MYBPC2: variants seen among roughly 807,000 people sequenced by gnomAD.
MYBPC2 encodes the protein myosin-binding protein C, fast-type.
Under a neutral mutation model 137.0 loss-of-function variants are expected in MYBPC2, and 122 were observed. The ratio of observed to expected loss-of-function variants is 0.89; its 90% confidence interval spans 0.77 to 1.03. The LOEUF (loss-of-function observed/expected upper bound fraction) is 1.03. MYBPC2 is among the 50% of genes least tolerant of loss of function. The pLI is 0.00. For missense variants in MYBPC2, 1,500 were observed against 1,534.4 expected (o/e 0.98, Z 0.37); for synonymous variants, 626 against 612.3 (o/e 1.02, Z -0.33).
At chr19:50,451,224 G>T in intron 14 of MYBPC2, 56 bp from the exon 15 acceptor site, 1 of 1,590,920 alleles carries the variant, frequency 6.3e-7, no homozygotes, top group Non-Finnish European at 8.6e-7. Flanking sequence ...CTGTGAAGGT[G>T]GGGTGAGGGG....
intron 20 of MYBPC2, among the ~76,000 whole-genome samples, chr19:50,458,096 G>C (rs867281134): frequency 2.6e-5 from 4 of 151,694 alleles, no homozygotes; most frequent in Admixed American, 6.6e-5. Flanking sequence ...CGGATCACGA[G>C]GTCAGGAGTT....
chr19:50,462,143 G>C (rs2039978466), intron 26 of MYBPC2, 107 bp downstream of exon 26: 2 of 1,405,550 alleles, frequency 1.4e-6, no homozygotes, highest in Non-Finnish European at 1.9e-6. Context: ...CGAGTTCTCT[G>C]TCTCAAGGGA....
At chr19:50,448,982 G>A (rs943410446) in intron 13 of MYBPC2, among the ~76,000 whole-genome samples, 7 of 149,352 alleles carry the variant, frequency 4.7e-5, no homozygotes, top group South Asian at 2.1e-4. Flanking sequence ...CACCCACCTC[G>A]GCCTCCCAAA....
chr19:50,437,478 C>A lies in MYBPC2; in HGVS notation c.469C>A (p.Arg157Ser). The A allele has an allele frequency of 6.2e-7, 1 of 1,610,740 alleles. No individual in the cohort carries two copies. Among genetic ancestry groups the A allele is most frequent in the East Asian group, 2.2e-5 (1 of 44,748 alleles). The change falls in exon 6 of 28, where the codon CGT (arginine) becomes AGT (serine). Residue 157 changes from arginine (R) to serine (S), a missense_variant. Coordinates refer to ENST00000357701, the MANE Select transcript of MYBPC2 (RefSeq NM_004533.4). ...CGFNIDVEAP[R>S]QDASGQSLES... Reference sequence around the variant, plus strand: ...CTCTCATCACCTCTCCCCAGCACCCCGTCAGGATGCCTCTGGGCAGAGTCT... The same window carrying A: ...CTCTCATCACCTCTCCCCAGCACCCAGTCAGGATGCCTCTGGGCAGAGTCT...
chr19:50,455,849 T>G (rs1463620019), intron 20 of MYBPC2, among the ~76,000 whole-genome samples: 1 of 152,158 alleles, frequency 6.6e-6, no homozygotes, highest in Non-Finnish European at 1.5e-5. Context: ...ACATCCATCC[T>G]CCATACAGCA....
In MYBPC2 at chr19:50,436,735, G is replaced by T. The variant is rs777964974; in HGVS notation, c.463+1G>T. ...TGTGGCTTCAACATCGATGTGGAGGGTATGCTGGTGGGGGATGCGGGAGCA... is the reference window on the plus strand; with the variant it reads ...TGTGGCTTCAACATCGATGTGGAGGTTATGCTGGTGGGGGATGCGGGAGCA... On this transcript the variant is annotated splice_donor_variant, in intron 5 of 27. Coordinates refer to ENST00000357701, the MANE Select transcript of MYBPC2 (RefSeq NM_004533.4). LOFTEE classifies it high-confidence loss of function. 6.2e-6 allele frequency: 10 copies of T among 1,613,408 alleles called. No individual in the cohort carries two copies. The African/African-American group carries it at 1.2e-4, about 19-fold the overall frequency.
At chr19:50,438,827 C>T (rs1014448340) in intron 7 of MYBPC2, among the ~76,000 whole-genome samples, 3 of 152,112 alleles carry the variant, frequency 2.0e-5, no homozygotes, top group African/African-American at 7.2e-5. Flanking sequence ...GATCGCGCCA[C>T]TGCACTCCAG....
chr19:50,433,753 G>C (rs2039678640), intron 1 of MYBPC2, among the ~76,000 whole-genome samples: 1 of 151,852 alleles, frequency 6.6e-6, no homozygotes, highest in African/African-American at 2.4e-5. Flanking sequence ...GCATCCTCTG[G>C]GCAGGGTCTG....
chr19:50,453,162 C>T (rs2039876552), intron 16 of MYBPC2, among the ~76,000 whole-genome samples: 1 of 152,072 alleles, frequency 6.6e-6, no homozygotes, highest in African/African-American at 2.4e-5. Context: ...CTATGTTGCC[C>T]ATGCTGGTCT....
chr19:50,458,781 G>T, intron 21 of MYBPC2, 27 bp downstream of exon 21: 3 of 1,605,040 alleles, frequency 1.9e-6, no homozygotes, highest in Non-Finnish European at 2.5e-6. Flanking sequence ...CCTGCGCTCC[G>T]AAAGACCAAG....
chr19:50,448,030 C>T (rs983950925), intron 12 of MYBPC2, among the ~76,000 whole-genome samples, 195 bp from the exon 13 acceptor site: 3 of 152,128 alleles, frequency 2.0e-5, no homozygotes, highest in African/African-American at 7.2e-5. Flanking sequence ...CAGGCCTCCT[C>T]GCTCCCTCCT....
chr19:50,439,137 C>T (rs1293306923), intron 7 of MYBPC2, among the ~76,000 whole-genome samples: 1 of 141,150 alleles, frequency 7.1e-6, no homozygotes, highest in Non-Finnish European at 1.6e-5. Context: ...ACCCACCCAC[C>T]TGTCTTCCCC....
At chr19:50,449,268 T>A (rs1348872598) in intron 13 of MYBPC2, among the ~76,000 whole-genome samples, 1 of 152,172 alleles carries the variant, frequency 6.6e-6, no homozygotes, top group Non-Finnish European at 1.5e-5. Context: ...ATGGCCTCGT[T>A]CTTACCTCTG....
Position 50,461,005 on chromosome 19 carries a change from A to ATT in MYBPC2, c.2932-522_2932-521dup, listed in dbSNP as rs112521100. Among the ~76,000 whole-genome samples the ATT allele has an allele frequency of 5.9e-3, 753 of 127,916 alleles. 7 individuals carry two copies. The highest frequency in any genetic ancestry group is 0.02 in the African/African-American group (680 of 33,868). 83.9% of individuals were successfully genotyped at this position (127,916 alleles called of 152,430 possible). A position where few individuals can be genotyped will look rare whatever the true frequency, so the allele number is the denominator to read the frequency against. ...TGCACCTGGCCTTTATTTCTTTTAA[A>ATT]TTTTTTTTTTTTTTTTGAGACAGGG... On this transcript the variant is annotated intron_variant, in intron 24 of 27. Transcript: ENST00000357701.
chr19:50,464,426 G>A lies in MYBPC2; in HGVS notation c.3309G>A (p.Leu1103=). The change falls in exon 27 of 28, where the codon CTG becomes CTA. Residue 1103 remains leucine (L), a synonymous_variant. Transcript: ENST00000357701. ...KFLITNYQGV[L]TLNIRRPSPF... ...TGATAACCAATTACCAAGGAGTCCTGACGCTGAACATCCGTCGCCCCTCGC... is the reference window on the plus strand; with the variant it reads ...TGATAACCAATTACCAAGGAGTCCTAACGCTGAACATCCGTCGCCCCTCGC... 1 of 1,611,786 alleles carries A rather than the reference G, an allele frequency of 6.2e-7. No individual in the cohort carries two copies. The highest frequency in any genetic ancestry group is 1.1e-5 in the South Asian group (1 of 90,350).
At position 50,464,546 on chromosome 19, in the gene MYBPC2, C is replaced by T. The variant is rs751578644; in HGVS notation, c.3415+14C>T. On this transcript the variant is annotated intron_variant, in intron 27 of 27. Coordinates refer to ENST00000357701, the MANE Select transcript of MYBPC2 (RefSeq NM_004533.4). Reference sequence around the variant, plus strand: ...TGGAGGTCCGAGGTGAGGGCGTGGCCATCCCCAACACTGGCTGACCCTTGC... The same window carrying T: ...TGGAGGTCCGAGGTGAGGGCGTGGCTATCCCCAACACTGGCTGACCCTTGC... 1 of 1,591,866 alleles carries T rather than the reference C, an allele frequency of 6.3e-7. No homozygotes were observed. The highest frequency in any genetic ancestry group is 1.1e-5 in the South Asian group (1 of 88,104).
Position 50,466,139 on chromosome 19 carries a change from G to C in MYBPC2, c.3416-56G>C. 2.5e-6 allele frequency: 4 copies of C among 1,611,618 alleles called. No individual in the cohort carries two copies. The highest frequency in any genetic ancestry group is 3.4e-6 in the Non-Finnish European group (4 of 1,179,468). On this transcript the variant is annotated intron_variant, in intron 27 of 27. Coordinates refer to ENST00000357701, the MANE Select transcript of MYBPC2 (RefSeq NM_004533.4). This position sits in a 1 kb window ranked among gnomAD's most constrained non-coding sequence, Gnocchi z 4.9. Reference sequence around the variant, plus strand: ...TGTGGATGCAGCTCCTCCTCCTGGGGCTTCAGGAGGAGGCGTGCCCGGGCC... The same window carrying C: ...TGTGGATGCAGCTCCTCCTCCTGGGCCTTCAGGAGGAGGCGTGCCCGGGCC...
intron 15 of MYBPC2, among the ~76,000 whole-genome samples, 193 bp from the exon 16 acceptor site, chr19:50,451,671 G>A (rs2122600858): frequency 7.0e-6 from 1 of 143,620 alleles, no homozygotes; most frequent in Non-Finnish European, 1.5e-5. Context: ...GGGGCTGGGG[G>A]CCTAGACTGT....
At chr19:50,462,824 C>T (rs1462604713) in intron 26 of MYBPC2, among the ~76,000 whole-genome samples, 2 of 151,740 alleles carry the variant, frequency 1.3e-5, no homozygotes, top group African/African-American at 4.8e-5. Context: ...GCTGGGATTA[C>T]AGGCATGAGC....
Sources: allele counts gnomAD v4.1 joint callset (sites outside exome capture counted in the v4.1 genomes callset), GRCh38; gene constraint gnomAD v4.1.1; non-coding constraint Gnocchi (gnomAD v3.1); transcripts MANE v1.5; gene names NCBI Gene and HGNC (gene_info 2026-07-23, HGNC 2026-07-21).